ANTXR1: variants seen among roughly 807,000 people sequenced by gnomAD.
ANTXR1 encodes anthrax toxin receptor 1.
A neutral mutation model predicts 78.1 loss-of-function variants in ANTXR1; 19 were observed. The observed-to-expected ratio is 0.24, with a 90% confidence interval of 0.17 to 0.36. ANTXR1 has a LOEUF of 0.36. Among genes scored for constraint, ANTXR1 ranks in the 10% least tolerant of loss-of-function variants. The probability of loss-of-function intolerance (pLI) is 1.00; values close to 1 mark genes in which losing one functional copy is unlikely to be tolerated. For missense variants in ANTXR1, 518 were observed against 718.6 expected (o/e 0.72, Z 3.19); for synonymous variants, 273 against 260.5 (o/e 1.05, Z -0.46).
chr2:69,112,101 G>A (rs535845630), intron 10 of ANTXR1, among the ~76,000 whole-genome samples: 63 of 152,276 alleles, frequency 4.1e-4, no homozygotes, highest in African/African-American at 1.3e-3. Flanking sequence ...GTAAAGGAGC[G>A]TACAGTCTCA....
intron 1 of ANTXR1, among the ~76,000 whole-genome samples, chr2:69,019,812 TA>T (rs5831958): frequency 0.41 from 62,515 of 151,904 alleles, 17,726 homozygotes; most frequent in African/African-American, 0.78. Context: ...AGCTCCCACT[TA>T]ACAAGTGAGA....
chr2:69,105,890 A>G (rs1399635647), intron 10 of ANTXR1, among the ~76,000 whole-genome samples: 1 of 152,246 alleles, frequency 6.6e-6, no homozygotes, highest in Non-Finnish European at 1.5e-5. Context: ...AACATGAGGC[A>G]GACCTCAGGA....
At chr2:69,030,844 A>C (rs1671509985) in intron 1 of ANTXR1, among the ~76,000 whole-genome samples, 1 of 152,226 alleles carries the variant, frequency 6.6e-6, no homozygotes, top group Non-Finnish European at 1.5e-5. Flanking sequence ...TATCAGGAAA[A>C]AAAATACAGA....
At chr2:69,206,651 A>T (rs1227552107) in intron 17 of ANTXR1, among the ~76,000 whole-genome samples, 1 of 152,198 alleles carries the variant, frequency 6.6e-6, no homozygotes, top group African/African-American at 2.4e-5. Flanking sequence ...GGCCTAGGGG[A>T]TGCCATGCAG....
At position 69,245,638 on chromosome 2, in the gene ANTXR1, C is replaced by A; in HGVS notation, c.*153C>A. 9.5e-7 allele frequency: 1 copy of A among 1,056,622 alleles called. No homozygotes were observed. Among genetic ancestry groups the A allele is most frequent in the Non-Finnish European group, 1.4e-6 (1 of 728,890 alleles). 65.5% of individuals were successfully genotyped at this position (1,056,622 alleles called of 1,614,324 possible). On this transcript the variant is annotated 3_prime_UTR_variant, in exon 18 of 18. Coordinates refer to ENST00000303714, the MANE Select transcript of ANTXR1 (RefSeq NM_032208.3). ...ATGCCAGTATACCAACAATCATGAT[C>A]AGCTGAAAGAAACAGATATTTTAAA...
intron 1 of ANTXR1, 63 bp from the exon 2 acceptor site, chr2:69,039,981 A>G: frequency 7.3e-7 from 1 of 1,362,082 alleles, no homozygotes; most frequent in South Asian, 1.2e-5. Flanking sequence ...TGTGAAGATA[A>G]ATAATACAAG....
intron 7 of ANTXR1, among the ~76,000 whole-genome samples, chr2:69,076,836 A>T (rs1338526207): frequency 2.0e-5 from 3 of 152,232 alleles, no homozygotes; most frequent in Non-Finnish European, 4.4e-5. Flanking sequence ...ACAGAACCAC[A>T]CAGAGATCTG....
intron 12 of ANTXR1, among the ~76,000 whole-genome samples, chr2:69,131,087 T>C (rs999785330): frequency 1.3e-5 from 2 of 151,410 alleles, no homozygotes; most frequent in Non-Finnish European, 3.0e-5. Flanking sequence ...AAAATTTCTG[T>C]TGCCACAAAA....
intron 12 of ANTXR1, among the ~76,000 whole-genome samples, chr2:69,142,931 C>T (rs1475711628): frequency 6.6e-6 from 1 of 152,006 alleles, no homozygotes; most frequent in East Asian, 1.9e-4. Context: ...TTTCATGGAC[C>T]CCCTGAAATG....
intron 3 of ANTXR1, among the ~76,000 whole-genome samples, chr2:69,050,618 C>G (rs141703474): frequency 2.6e-5 from 4 of 152,108 alleles, no homozygotes; most frequent in African/African-American, 9.7e-5. Context: ...GGAAAACTAT[C>G]AAAGCCTAAA....
chr2:69,112,680 C>T (rs1443106402), intron 10 of ANTXR1, among the ~76,000 whole-genome samples: 1 of 152,200 alleles, frequency 6.6e-6, no homozygotes, highest in African/African-American at 2.4e-5. Flanking sequence ...TGTGTGACCA[C>T]AGTTAAGGCA....
intron 12 of ANTXR1, among the ~76,000 whole-genome samples, chr2:69,151,559 T>C (rs1262444632): frequency 1.3e-5 from 2 of 152,182 alleles, no homozygotes; most frequent in South Asian, 4.1e-4. Context: ...CTTCAGTGCC[T>C]TCCTCCCTCC....
chr2:69,198,555 T>C (rs1042941634), intron 17 of ANTXR1, among the ~76,000 whole-genome samples: 4 of 152,240 alleles, frequency 2.6e-5, no homozygotes, highest in African/African-American at 9.6e-5. Context: ...AGTCTAACCA[T>C]GTAATATATG....
At chr2:69,089,878 T>G (rs778767932) in intron 8 of ANTXR1, among the ~76,000 whole-genome samples, 2 of 152,188 alleles carry the variant, frequency 1.3e-5, no homozygotes, top group African/African-American at 2.4e-5. Context: ...CTTATACTTG[T>G]TAAAAATACT....
At chr2:69,107,582 T>G (rs1671852008) in intron 10 of ANTXR1, among the ~76,000 whole-genome samples, 1 of 151,816 alleles carries the variant, frequency 6.6e-6, no homozygotes, top group Admixed American at 6.6e-5. Flanking sequence ...TAACATAATC[T>G]TGGTTTAAAA....
chr2:69,220,944 C>T (rs79181524), intron 17 of ANTXR1, among the ~76,000 whole-genome samples: 5,031 of 152,168 alleles, frequency 0.033, 291 homozygotes, highest in African/African-American at 0.11. Flanking sequence ...GAACACTGCT[C>T]GTATGCACCA....
intron 10 of ANTXR1, among the ~76,000 whole-genome samples, chr2:69,105,749 T>C (rs1671787823): frequency 1.3e-5 from 2 of 152,250 alleles, no homozygotes; most frequent in Non-Finnish European, 1.5e-5. Context: ...ATTTCTTTTT[T>C]CAAGATTTTT....
At chr2:69,183,505 C>T (rs1287141870) in intron 16 of ANTXR1, among the ~76,000 whole-genome samples, 2 of 151,944 alleles carry the variant, frequency 1.3e-5, no homozygotes, top group African/African-American at 4.8e-5. Context: ...CAGGCTCAAG[C>T]CATCCTCCCA....
intron 13 of ANTXR1, 94 bp downstream of exon 13, chr2:69,152,358 G>C (rs531850325): frequency 7.9e-7 from 1 of 1,264,998 alleles, no homozygotes. Context: ...AAAAACTAAA[G>C]ATGGGAGACA....
Sources: allele counts gnomAD v4.1 joint callset (sites outside exome capture counted in the v4.1 genomes callset), GRCh38; gene constraint gnomAD v4.1.1; transcripts MANE v1.5; gene names NCBI Gene and HGNC (gene_info 2026-07-23, HGNC 2026-07-21).